The following RACGAP1 variants were observed in gnomAD, a reference collection of about 807,000 sequenced individuals.
RACGAP1 encodes Rac GTPase activating protein 1.
RACGAP1 carries 30 observed loss-of-function variants against 78.1 expected under a neutral mutation model. The ratio of observed to expected loss-of-function variants is 0.38; its 90% CI spans 0.29 to 0.52. The LOEUF (loss-of-function observed/expected upper bound fraction) is 0.52. RACGAP1 is among the 20% of genes least tolerant of loss of function. The pLI, the probability that RACGAP1 is intolerant of heterozygous loss-of-function variation, is 0.82. For synonymous variants in RACGAP1, 231 were observed against 264.8 expected (o/e 0.87, Z 1.24); for missense variants, 587 against 777.1 (o/e 0.76, Z 2.91).
intron 1 of RACGAP1, chr12:50,017,136 A>G: frequency 1.0e-6 from 1 of 957,306 alleles, no homozygotes; most frequent in South Asian, 4.8e-5. Flanking sequence ...ATCTATTTTT[A>G]ATTTCATTTT....
chr12:50,013,479 C>T (rs1949476776), intron 2 of RACGAP1, among the ~76,000 whole-genome samples: 1 of 152,176 alleles, frequency 6.6e-6, no homozygotes, highest in Admixed American at 6.5e-5. Flanking sequence ...CTCTTCTACC[C>T]ATTTCTCCCT....
At chr12:49,996,565 AG>A (rs928267476) in intron 10 of RACGAP1, among the ~76,000 whole-genome samples, 1 of 131,088 alleles carries the variant, frequency 7.6e-6, no homozygotes, top group Non-Finnish European at 1.6e-5. Context: ...GCTTGAGCCC[AG>A]GGGGGCGGAG....
chr12:49,992,010 G>T lies in RACGAP1; in HGVS notation c.1702C>A (p.Pro568Thr), dbSNP rs909172915. 6.2e-7 allele frequency: 1 copy of T among 1,613,584 alleles called. No individual in the cohort carries two copies. Among genetic ancestry groups the T allele is most frequent in the Non-Finnish European group, 8.5e-7 (1 of 1,179,956 alleles). The change falls in exon 15 of 17, where the codon CCA becomes ACA. Residue 568 changes from proline (P) to threonine (T), a missense_variant. By Grantham distance (38) the Pro-to-Thr change is conservative. Transcript: ENST00000312377. ...NSNAFSTPQT[P>T]DIKVSLLGPV... The stretch of plus-strand genomic sequence containing the variant: ...TCTTGGGCCTTACCTTTAATATCTG[G>T]TGTCTGTGGTGTTGAAAAGGCATTT...
At chr12:50,020,166 TTTTC>T (rs1197891331) in intron 1 of RACGAP1, among the ~76,000 whole-genome samples, 2 of 152,170 alleles carry the variant, frequency 1.3e-5, no homozygotes, top group African/African-American at 4.8e-5. Context: ...CACGTACACT[TTTTC>T]TTTAAGTGAA....
Position 50,002,287 on chromosome 12 carries a change from G to C in RACGAP1, c.509C>G (p.Ser170Cys). 2 of 1,613,416 alleles carry C rather than the reference G, an allele frequency of 1.2e-6. No individual in the cohort carries two copies. The highest frequency in any genetic ancestry group is 2.2e-5 in the East Asian group (1 of 44,838). Residue 170 changes from serine (S) to cysteine (C), a missense_variant, in exon 6 of 17, where the codon TCT (serine) becomes TGT (cysteine). By Grantham distance (112) the Ser-to-Cys change is moderately radical. Coordinates refer to ENST00000312377, the MANE Select transcript of RACGAP1 (RefSeq NM_001319999.2). ...KTDESLDWDS[S>C]LVKTFKLKKR... ...CTTCAGTTTGAAAGTCTTCACCAAA[G>C]AAGAGTCCCAATCCTGTTGACAATT...
At chr12:49,991,480 T>TATATATATATATA (rs1555169073) in intron 15 of RACGAP1, among the ~76,000 whole-genome samples, 81 of 13,174 alleles carry the variant, frequency 6.1e-3, no homozygotes, top group East Asian at 0.014. Flanking sequence ...TATATATATA[T>TATATATATATATA]TTTTTTTTTT....
chr12:50,002,290 GA>G lies in RACGAP1; in HGVS notation c.505del (p.Ser169LeufsTer4). 1 of 1,613,488 alleles carries G rather than the reference GA, an allele frequency of 6.2e-7. No individual in the cohort carries two copies. Among genetic ancestry groups the G allele is most frequent in the Non-Finnish European group, 8.5e-7 (1 of 1,179,612 alleles). On this transcript the variant is annotated frameshift_variant, in exon 6 of 17. Coordinates refer to ENST00000312377, the MANE Select transcript of RACGAP1 (RefSeq NM_001319999.2). LOFTEE classifies it high-confidence loss of function. ...DKTDESLDWD[S>X]SLVKTFKLKK... ...CAGTTTGAAAGTCTTCACCAAAGAA[GA>G]GTCCCAATCCTGTTGACAATTACAC...
intron 1 of RACGAP1, among the ~76,000 whole-genome samples, chr12:50,025,121 C>T (rs924967156): frequency 6.6e-6 from 1 of 152,110 alleles, no homozygotes; most frequent in African/African-American, 2.4e-5. Context: ...TAGGATGACT[C>T]CTGCCCTGGT....
intron 9 of RACGAP1, 68 bp from the exon 10 acceptor site, chr12:49,997,272 C>T: frequency 1.0e-5 from 12 of 1,159,458 alleles, no homozygotes; most frequent in East Asian, 4.0e-5. Flanking sequence ...AATCAACTAA[C>T]TTTTTTTTTT....
intron 7 of RACGAP1, among the ~76,000 whole-genome samples, chr12:50,000,260 G>A (rs867244734): frequency 5.3e-5 from 8 of 152,072 alleles, no homozygotes; most frequent in Non-Finnish European, 2.9e-5. Flanking sequence ...TGATCCACCC[G>A]CCTCAGCCTC....
intron 2 of RACGAP1, among the ~76,000 whole-genome samples, chr12:50,010,655 A>G (rs570992534): frequency 1.4e-4 from 21 of 151,490 alleles, no homozygotes; most frequent in Middle Eastern, 3.4e-3. Flanking sequence ...AATACAGGCC[A>G]GACACCGTGG....
In RACGAP1 at chr12:49,992,288, G is replaced by C; in HGVS notation, c.1535C>G (p.Pro512Arg). 1.2e-6 allele frequency: 2 copies of C among 1,614,164 alleles called. No individual in the cohort carries two copies. The highest frequency in any genetic ancestry group is 2.2e-5 in the South Asian group (2 of 91,082). The stretch of plus-strand genomic sequence containing the variant: ...GTCCTGTAACATTGTCACTGGGTCT[G>C]GATTGGGCACAGCATGGGCCACTAT... ...PTIVAHAVPN[P>R]DPVTMLQDIK... The change falls in exon 14 of 17, where the codon CCA becomes CGA. Residue 512 changes from proline (P) to arginine (R), a missense_variant. Transcript: ENST00000312377.
chr12:49,991,479 A>ATATATATAT (rs1555169074), intron 15 of RACGAP1, among the ~76,000 whole-genome samples: 5 of 24,090 alleles, frequency 2.1e-4, no homozygotes, highest in African/African-American at 4.2e-4. Context: ...ATATATATAT[A>ATATATATAT]TTTTTTTTTT....
exon 2 of RACGAP1, chr12:50,031,715 T>G (rs1381919619): frequency 3.0e-6 from 3 of 985,188 alleles, no homozygotes; most frequent in African/African-American, 1.7e-5. Context: ...CAGTTTAAAC[T>G]TAAACGCTGA....
At position 49,992,089 on chromosome 12, in the gene RACGAP1, C is replaced by A. The variant is rs745311071; in HGVS notation, c.1623G>T (p.Gln541His). 3 of 1,614,116 alleles carry A rather than the reference C, an allele frequency of 1.9e-6. No individual in the cohort carries two copies. The Admixed American group carries it at 5.0e-5, about 27-fold the overall frequency. The change falls in exon 15 of 17, where the codon CAG becomes CAT. Residue 541 changes from glutamine to histidine, a missense_variant. Gln to His is a conservative substitution (Grantham distance 24). Transcript: ENST00000312377. ...TGTTCTCTTGCTCCACCATCATGAA[C>A]TGACTCCAATACTCCAGAGGCAAGG... ...LLSLPLEYWS[Q>H]FMMVEQENID...
intron 2 of RACGAP1, 135 bp downstream of exon 2, chr12:50,016,496 G>T: frequency 1.1e-6 from 1 of 886,220 alleles, no homozygotes; most frequent in Non-Finnish European, 1.8e-6. Context: ...CTTTGACCAC[G>T]TAAGTGATCA....
upstream of RACGAP1, among the ~76,000 whole-genome samples, chr12:50,029,215 CAAAA>C (rs1223077511): frequency 4.1e-5 from 3 of 72,666 alleles, no homozygotes; most frequent in Non-Finnish European, 3.0e-5. Context: ...GACTCCATCT[CAAAA>C]AAAAAAAAAA....
At chr12:50,012,792 G>C (rs969740950) in intron 2 of RACGAP1, among the ~76,000 whole-genome samples, 1 of 150,554 alleles carries the variant, frequency 6.6e-6, no homozygotes, top group Non-Finnish European at 1.5e-5. Flanking sequence ...GGCCGGGCGC[G>C]GTGGCTCACC....
upstream of RACGAP1, chr12:50,033,236 C>G (rs1286537159): frequency 6.6e-6 from 1 of 151,424 alleles, no homozygotes; most frequent in Non-Finnish European, 1.5e-5. Context: ...GCTTTGAGCC[C>G]TTCTGCCTTC....
Sources: gnomAD v4.1 joint callset for allele counts (sites outside exome capture counted in the v4.1 genomes callset) on GRCh38, gnomAD v4.1.1 for gene constraint, MANE v1.5 for transcripts, NCBI Gene and HGNC (gene_info 2026-07-23, HGNC 2026-07-21) for gene names.